POU6F2: variants seen among roughly 807,000 people sequenced by gnomAD.
POU6F2 encodes the protein POU class 6 homeobox 2, also known as POU domain, class 6, transcription factor 2.
In POU6F2, 31 loss-of-function variants were observed where a neutral mutation model predicts 71.3. The observed-to-expected ratio is 0.43, with a 90% CI of 0.33 to 0.59. The LOEUF is 0.59. Ranked by LOEUF, POU6F2 falls within the 20% of genes least tolerant of loss-of-function variation. The probability of loss-of-function intolerance (pLI) is 0.04; values close to 1 mark genes in which losing one functional copy is unlikely to be tolerated. For synonymous variants in POU6F2, 347 were observed against 355.7 expected, an observed-to-expected ratio of 0.98 and a Z score of 0.27; for missense variants, 783 against 856.8, an observed-to-expected ratio of 0.91 and a Z score of 1.07.
intron 4 of POU6F2, among the ~76,000 whole-genome samples, chr7:39,212,388 T>C (rs753302303): frequency 6.6e-6 from 1 of 152,124 alleles, no homozygotes; most frequent in African/African-American, 2.4e-5. Context: ...TTCTGAGTGT[T>C]TTGAACGAAG....
At chr7:39,043,599 C>T (rs1790233970) in intron 1 of POU6F2, among the ~76,000 whole-genome samples, 1 of 151,946 alleles carries the variant, frequency 6.6e-6, no homozygotes, top group Non-Finnish European at 1.5e-5. Flanking sequence ...TATAAGGTGT[C>T]ACACTGGAGT....
chr7:39,122,573 T>C (rs1792062875), intron 2 of POU6F2, among the ~76,000 whole-genome samples: 1 of 152,160 alleles, frequency 6.6e-6, no homozygotes, highest in African/African-American at 2.4e-5. Context: ...GAAGGAATAT[T>C]GCCTTTCCCT....
intron 2 of POU6F2, among the ~76,000 whole-genome samples, chr7:39,194,830 C>T (rs1391615040): frequency 6.6e-6 from 1 of 152,120 alleles, no homozygotes; most frequent in Non-Finnish European, 1.5e-5. Context: ...CCACGAACCC[C>T]CCCGGGGAGG....
chr7:39,314,231 G>A (rs1011599202), intron 4 of POU6F2, among the ~76,000 whole-genome samples: 3 of 152,152 alleles, frequency 2.0e-5, no homozygotes, highest in Admixed American at 2.0e-4. Flanking sequence ...TGGTTGACTG[G>A]CCTTTCTTGA....
At chr7:39,078,708 T>C (rs1791047574) in intron 1 of POU6F2, among the ~76,000 whole-genome samples, 1 of 152,204 alleles carries the variant, frequency 6.6e-6, no homozygotes, top group Non-Finnish European at 1.5e-5. Flanking sequence ...TTTCAGGCTT[T>C]GCAGGCCATA....
intron 4 of POU6F2, among the ~76,000 whole-genome samples, chr7:39,231,478 T>C (rs1794573206): frequency 6.6e-6 from 1 of 152,176 alleles, no homozygotes; most frequent in Non-Finnish European, 1.5e-5. Context: ...TATACCCTTT[T>C]ATATATGATT....
chr7:39,119,268 C>T (rs1365341812), intron 2 of POU6F2, among the ~76,000 whole-genome samples: 2 of 151,976 alleles, frequency 1.3e-5, no homozygotes, highest in Non-Finnish European at 2.9e-5. Flanking sequence ...ACGTTGAGGG[C>T]AATTGGCAAA....
intron 1 of POU6F2, among the ~76,000 whole-genome samples, chr7:39,056,711 G>T (rs1323139213): frequency 8.1e-6 from 1 of 123,190 alleles, no homozygotes; most frequent in African/African-American, 3.0e-5. Flanking sequence ...TGTGTAGGTG[G>T]TGGGGATGGG....
chr7:39,311,774 A>C (rs1785170744), intron 4 of POU6F2, among the ~76,000 whole-genome samples: 1 of 152,234 alleles, frequency 6.6e-6, no homozygotes, highest in South Asian at 2.1e-4. Flanking sequence ...ATAAAGGGAC[A>C]AAGTATGCAA....
intron 1 of POU6F2, among the ~76,000 whole-genome samples, chr7:39,016,064 A>T (rs375680332): frequency 1.5e-4 from 5 of 33,760 alleles, no homozygotes; most frequent in South Asian, 7.1e-4. Context: ...TATTATATAT[A>T]ATATATAGAT....
intron 2 of POU6F2, among the ~76,000 whole-genome samples, chr7:39,201,255 A>G (rs1377608632): frequency 6.6e-6 from 1 of 152,246 alleles, no homozygotes; most frequent in Non-Finnish European, 1.5e-5. Context: ...GTTAAGTGGT[A>G]GTGCTAAATT....
chr7:39,334,228 A>C (rs1785718119), intron 4 of POU6F2, among the ~76,000 whole-genome samples: 1 of 152,196 alleles, frequency 6.6e-6, no homozygotes, highest in African/African-American at 2.4e-5. Flanking sequence ...ATGGTCACAC[A>C]TCATAGACTC....
chr7:39,070,666 C>T (rs1408411250), intron 1 of POU6F2, among the ~76,000 whole-genome samples: 8 of 152,154 alleles, frequency 5.3e-5, no homozygotes, highest in Non-Finnish European at 1.2e-4. Flanking sequence ...TCCACATGGC[C>T]TTGTGATGCT....
chr7:39,037,781 AG>A (rs1316376033), intron 1 of POU6F2, among the ~76,000 whole-genome samples: 4 of 151,790 alleles, frequency 2.6e-5, no homozygotes, highest in African/African-American at 9.7e-5. Context: ...CTCTTGGGAG[AG>A]GTTCTTTGTG....
chr7:39,377,200 G>C (rs564890737), intron 5 of POU6F2, among the ~76,000 whole-genome samples: 1 of 150,480 alleles, frequency 6.6e-6, no homozygotes. Flanking sequence ...GTGTGATCTC[G>C]GCTCACTGCA....
intron 2 of POU6F2, among the ~76,000 whole-genome samples, chr7:39,150,677 AG>A (rs1175382966): frequency 6.6e-6 from 1 of 151,792 alleles, no homozygotes; most frequent in Admixed American, 6.6e-5. Flanking sequence ...CATGTTGGCC[AG>A]GCTGGTCTCG....
chr7:39,123,838 A>G (rs1344352647), intron 2 of POU6F2, among the ~76,000 whole-genome samples: 1 of 151,704 alleles, frequency 6.6e-6, no homozygotes, highest in Non-Finnish European at 1.5e-5. Context: ...CAACAACTTC[A>G]CATATGTTAA....
At chr7:39,366,449 T>C (rs1045874271) in intron 5 of POU6F2, among the ~76,000 whole-genome samples, 2 of 152,032 alleles carry the variant, frequency 1.3e-5, no homozygotes, top group Non-Finnish European at 2.9e-5. Flanking sequence ...CTTCAAGGAA[T>C]GAGGTGGGGT....
intron 1 of POU6F2, among the ~76,000 whole-genome samples, chr7:39,025,314 A>G (rs1246860858): frequency 6.6e-6 from 1 of 152,202 alleles, no homozygotes; most frequent in Non-Finnish European, 1.5e-5. Context: ...CAAAAGGACA[A>G]AGCTGGAGGC....
Sources: gnomAD v4.1 joint callset for allele counts (sites outside exome capture counted in the v4.1 genomes callset) on GRCh38, gnomAD v4.1.1 for gene constraint, MANE v1.5 for transcripts, NCBI Gene and HGNC (gene_info 2026-07-23, HGNC 2026-07-21) for gene names.